The following KLHL20 variants were observed in gnomAD, a reference collection of about 807,000 sequenced individuals.
KLHL20 encodes kelch like family member 20, also known as kelch-like protein 20.
Under a neutral mutation model 69.5 loss-of-function variants are expected in KLHL20, and 29 were observed. The ratio of observed to expected loss-of-function variants is 0.42; its 90% CI spans 0.31 to 0.57. The LOEUF (loss-of-function observed/expected upper bound fraction) is 0.57. KLHL20 is among the 20% of genes least tolerant of loss of function. The probability of loss-of-function intolerance (pLI) is 0.18; values close to 1 mark genes in which losing one functional copy is unlikely to be tolerated. For missense variants in KLHL20, 419 were observed against 776.0 expected (o/e 0.54, Z 5.47); for synonymous variants, 253 against 265.2 (o/e 0.95, Z 0.45).
intron 3 of KLHL20, among the ~76,000 whole-genome samples, chr1:173,746,816 CTTAA>C (rs1031847070): frequency 6.6e-6 from 1 of 151,692 alleles, no homozygotes; most frequent in Non-Finnish European, 1.5e-5. Context: ...TGAGTTGAGA[CTTAA>C]TTTATTTTCA....
intron 2 of KLHL20, among the ~76,000 whole-genome samples, chr1:173,728,579 A>T (rs1672095119): frequency 6.6e-6 from 1 of 152,256 alleles, no homozygotes; most frequent in South Asian, 2.1e-4. Context: ...AGAACTCAGG[A>T]TTAAGAAACT....
intron 3 of KLHL20, among the ~76,000 whole-genome samples, chr1:173,736,621 A>T (rs1672547216): frequency 6.6e-6 from 1 of 150,868 alleles, no homozygotes; most frequent in African/African-American, 2.4e-5. Flanking sequence ...TTTGAAACAG[A>T]GTCTCACTGT....
At chr1:173,775,593 A>G (rs764540748) in intron 9 of KLHL20, 41 bp from the exon 10 acceptor site, 1 of 1,538,796 alleles carries the variant, frequency 6.5e-7, no homozygotes, top group Admixed American at 1.7e-5. Context: ...GTGAGAGGAA[A>G]TGGTTGAATG....
At chr1:173,724,251 C>T (rs549565430) in intron 2 of KLHL20, among the ~76,000 whole-genome samples, 79 of 151,828 alleles carry the variant, frequency 5.2e-4, no homozygotes, top group African/African-American at 1.4e-3. Context: ...GGGATCCCCC[C>T]GCCTCAACCT....
At chr1:173,737,523 G>A (rs1459447847) in intron 3 of KLHL20, among the ~76,000 whole-genome samples, 1 of 152,204 alleles carries the variant, frequency 6.6e-6, no homozygotes, top group Non-Finnish European at 1.5e-5. Context: ...TCAAAGATCA[G>A]TTGGCTTTAA....
At chr1:173,747,364 TTGA>T (rs1287451703) in intron 3 of KLHL20, among the ~76,000 whole-genome samples, 1 of 152,082 alleles carries the variant, frequency 6.6e-6, no homozygotes. Flanking sequence ...ACTTTATGTC[TTGA>T]TGATAAATTG....
chr1:173,744,907 TTTTG>T (rs977755095), intron 3 of KLHL20, among the ~76,000 whole-genome samples: 2 of 152,126 alleles, frequency 1.3e-5, no homozygotes, highest in Admixed American at 6.5e-5. Flanking sequence ...CATGTAACTC[TTTTG>T]TTTTTCATTG....
intron 11 of KLHL20, 25 bp from the exon 12 acceptor site, chr1:173,785,138 T>TA: frequency 6.3e-7 from 1 of 1,593,128 alleles, no homozygotes; most frequent in South Asian, 1.1e-5. Context: ...AGTTAGAAAA[T>TA]ATGATTATGT....
intron 2 of KLHL20, among the ~76,000 whole-genome samples, chr1:173,718,591 A>C (rs1426186523): frequency 6.6e-6 from 1 of 151,572 alleles, no homozygotes; most frequent in African/African-American, 2.4e-5. Context: ...ATAGTGGTTC[A>C]CACTTGTATT....
intron 10 of KLHL20, 109 bp downstream of exon 10, chr1:173,775,951 G>T: frequency 1.1e-6 from 1 of 900,028 alleles, no homozygotes; most frequent in East Asian, 2.5e-5. Flanking sequence ...CCTTTCTTTG[G>T]GGTATATACC....
intron 2 of KLHL20, among the ~76,000 whole-genome samples, chr1:173,718,597 G>C (rs1029995595): frequency 8.6e-5 from 13 of 151,558 alleles, no homozygotes; most frequent in Admixed American, 6.6e-4. Context: ...GTTCACACTT[G>C]TATTCCCAGC....
At chr1:173,783,716 A>C (rs1460418088) in intron 11 of KLHL20, among the ~76,000 whole-genome samples, 1 of 151,954 alleles carries the variant, frequency 6.6e-6, no homozygotes, top group Non-Finnish European at 1.5e-5. Flanking sequence ...AAAAATACAA[A>C]AACTAGCCAG....
At chr1:173,758,140 C>T (rs1266600242) in intron 7 of KLHL20, among the ~76,000 whole-genome samples, 4 of 151,804 alleles carry the variant, frequency 2.6e-5, no homozygotes, top group Admixed American at 1.3e-4. Context: ...TGTAGTGGTG[C>T]ACGCCTGTGA....
intron 2 of KLHL20, among the ~76,000 whole-genome samples, chr1:173,722,963 T>C (rs1368831721): frequency 6.6e-6 from 1 of 152,190 alleles, no homozygotes; most frequent in Non-Finnish European, 1.5e-5. Context: ...GTGCTGGGAT[T>C]ACAGGTGTGA....
chr1:173,727,205 T>TAA (rs1672014963), intron 2 of KLHL20, among the ~76,000 whole-genome samples: 3 of 146,086 alleles, frequency 2.1e-5, no homozygotes, highest in African/African-American at 7.7e-5. Context: ...GAAAAAAGAA[T>TAA]GAAAAAAAAA....
intron 3 of KLHL20, among the ~76,000 whole-genome samples, chr1:173,746,489 G>T (rs1476178728): frequency 6.6e-6 from 1 of 152,018 alleles, no homozygotes; most frequent in African/African-American, 2.4e-5. Context: ...TGGGTAAACT[G>T]TATTTCCCTA....
intron 3 of KLHL20, chr1:173,734,503 T>C: frequency 3.7e-6 from 2 of 547,390 alleles, no homozygotes; most frequent in Non-Finnish European, 6.4e-6. Flanking sequence ...TCCCTAACTG[T>C]ATTCATAAAA....
intron 10 of KLHL20, among the ~76,000 whole-genome samples, chr1:173,778,464 G>T (rs572318288): frequency 2.7e-4 from 41 of 152,030 alleles, no homozygotes; most frequent in African/African-American, 9.4e-4. Context: ...CATTAGCTGG[G>T]ACTACATGTG....
chr1:173,756,122 G>C (rs753018693), intron 6 of KLHL20, 84 bp downstream of exon 6: 1 of 918,760 alleles, frequency 1.1e-6, no homozygotes, highest in African/African-American at 1.7e-5. Flanking sequence ...GGACAATTAT[G>C]ATATTTACTG....
Sources: allele counts gnomAD v4.1 joint callset (sites outside exome capture counted in the v4.1 genomes callset), GRCh38; gene constraint gnomAD v4.1.1; transcripts MANE v1.5; gene names NCBI Gene and HGNC (gene_info 2026-07-23, HGNC 2026-07-21).